Variants in GBF1 observed in about 807,000 individuals in gnomAD.
GBF1 encodes the protein Golgi-specific brefeldin A-resistance guanine nucleotide exchange factor 1.
A neutral mutation model predicts 210.5 loss-of-function variants in GBF1; 114 were observed. That is an observed-to-expected ratio of 0.54 (90% confidence interval 0.47 to 0.63). The LOEUF (loss-of-function observed/expected upper bound fraction) is 0.63, where lower values mean the gene tolerates loss of function less well. Among genes scored for constraint, GBF1 ranks in the 30% least tolerant of loss-of-function variants. GBF1 has a pLI of 0.00. For synonymous variants in GBF1, 850 were observed against 889.2 expected, an observed-to-expected ratio of 0.96 and a Z score of 0.78; for missense variants, 1,851 against 2,357.7, an observed-to-expected ratio of 0.79 and a Z score of 4.45.
the GBF1 span, among the ~76,000 whole-genome samples, chr10:102,236,116 G>A: frequency 6.6e-6 from 1 of 152,196 alleles, no homozygotes; most frequent in African/African-American, 2.4e-5. Flanking sequence ...GCCGACTCAC[G>A]TCCGGGTGGG....
Position 102,379,541 on chromosome 10 carries a change from G to T in GBF1, c.4666G>T (p.Asp1556Tyr). 6.2e-7 allele frequency: 1 copy of T among 1,614,128 alleles called. No homozygotes were observed. The highest frequency in any genetic ancestry group is 8.5e-7 in the Non-Finnish European group (1 of 1,180,014). ...CTCAGGTATTGCCTGCCTGTGCTGC[G>T]ATGCCCGGCGCCAGGTACGGATGCA... ...LLQGIACLCC[D>Y]ARRQVRMQAL... Residue 1556 changes from aspartate (D) to tyrosine (Y), a missense_variant, in exon 35 of 40, where the codon GAT becomes TAT. Around this residue, in one of 3 missense-constraint regions of GBF1, gnomAD observed 967 missense variants for 1,247.7 expected, o/e 0.78. Transcript: ENST00000369983.
chr10:102,382,604 G>A lies in GBF1; in HGVS notation c.*268G>A, dbSNP rs529451706. 3.4e-5 allele frequency: 14 copies of A among 416,092 alleles called. No homozygotes were observed. The highest frequency in any genetic ancestry group is 1.7e-4 in the Admixed American group (4 of 24,012). The allele number at this position is 416,092 out of a possible 1,614,324, so 25.8% of individuals were successfully genotyped here. A position where few individuals can be genotyped will look rare whatever the true frequency, so the allele number is the denominator to read the frequency against. ...CATCTGCAGCCTCTGCCTCCAGCCC[G>A]GCAGCTCTGGGGAGGCATCCGTGTG... On this transcript the variant is annotated 3_prime_UTR_variant, in exon 40 of 40. Coordinates refer to ENST00000369983, the MANE Select transcript of GBF1 (RefSeq NM_001377137.1).
intron 14 of GBF1, 23 bp from the exon 15 acceptor site, chr10:102,362,452 C>T (rs369033029): frequency 5.9e-6 from 9 of 1,527,232 alleles, no homozygotes; most frequent in South Asian, 1.1e-5. Flanking sequence ...ACTACAAGTC[C>T]AATTGATCTG....
chr10:102,341,562 G>A (rs956614690), intron 3 of GBF1, among the ~76,000 whole-genome samples: 2 of 152,086 alleles, frequency 1.3e-5, no homozygotes, highest in African/African-American at 4.8e-5. Flanking sequence ...ACCAGTGAAT[G>A]GATAAAGAAA....
At chr10:102,302,328 A>G (rs1200775908) in intron 3 of GBF1, among the ~76,000 whole-genome samples, 1 of 152,098 alleles carries the variant, frequency 6.6e-6, no homozygotes, top group East Asian at 1.9e-4. Context: ...TGGTTACACA[A>G]CTCTGAATAT....
At chr10:102,364,781 A>G (rs1218901625) in intron 17 of GBF1, among the ~76,000 whole-genome samples, 1 of 151,874 alleles carries the variant, frequency 6.6e-6, no homozygotes, top group Non-Finnish European at 1.5e-5. Context: ...CCTGGGAGGC[A>G]GAGGTTGCAG....
upstream of GBF1, among the ~76,000 whole-genome samples, chr10:102,242,097 T>A (rs2133820280): frequency 6.6e-6 from 1 of 152,366 alleles, no homozygotes; most frequent in South Asian, 2.1e-4. Flanking sequence ...CCTCTGCCAC[T>A]TTAAAAGACT....
chr10:102,298,717 G>C (rs1174917991), intron 3 of GBF1, among the ~76,000 whole-genome samples: 1 of 152,048 alleles, frequency 6.6e-6, no homozygotes, highest in Non-Finnish European at 1.5e-5. Context: ...AGAGGAAACA[G>C]AGGTTCCAAA....
At chr10:102,380,757 C>T in intron 38 of GBF1, 71 bp downstream of exon 38, 1 of 1,319,632 alleles carries the variant, frequency 7.6e-7, no homozygotes, top group Non-Finnish European at 1.0e-6. Context: ...CCTCTAATCC[C>T]AGCACTTTGA....
At chr10:102,345,371 G>A (rs1284352759) in intron 4 of GBF1, among the ~76,000 whole-genome samples, 1 of 150,546 alleles carries the variant, frequency 6.6e-6, no homozygotes, top group Non-Finnish European at 1.5e-5. Flanking sequence ...GTATTAACTT[G>A]ACCAGGCACA....
chr10:102,234,175 CT>C, the GBF1 span, among the ~76,000 whole-genome samples: 1 of 152,166 alleles, frequency 6.6e-6, no homozygotes, highest in Non-Finnish European at 1.5e-5. Flanking sequence ...TATTAGGAGC[CT>C]TTCTCAGGGA....
intron 5 of GBF1, 32 bp downstream of exon 5, chr10:102,351,406 T>C (rs769305010): frequency 8.8e-7 from 1 of 1,136,774 alleles, no homozygotes; most frequent in Non-Finnish European, 1.3e-6. Context: ...ATTAGGCTAA[T>C]GGCCAGGGGC....
intron 3 of GBF1, among the ~76,000 whole-genome samples, chr10:102,297,570 A>G (rs2077010729): frequency 6.6e-6 from 1 of 152,238 alleles, no homozygotes; most frequent in Admixed American, 6.5e-5. Flanking sequence ...AGATTTGAAT[A>G]GTCTTTCTAC....
chr10:102,367,985 G>A (rs919915863), intron 21 of GBF1, among the ~76,000 whole-genome samples: 1 of 152,216 alleles, frequency 6.6e-6, no homozygotes, highest in Admixed American at 6.5e-5. Context: ...TAGTAAGAAT[G>A]TGTGATCTTA....
chr10:102,319,706 TTTTTTC>T (rs1012952627), intron 3 of GBF1, among the ~76,000 whole-genome samples: 94 of 151,500 alleles, frequency 6.2e-4, no homozygotes, highest in Middle Eastern at 3.4e-3. Context: ...CATTTCTTTC[TTTTTTC>T]TTTTTCTTTT....
In GBF1 at chr10:102,366,339, C is replaced by T. The variant is rs761668333; in HGVS notation, c.2310-44C>T. Reference sequence around the variant, plus strand: ...AGTGACTAAAAGAGCCTGACATGTGCAGCTTACACATTTTCAGCCTCTTCT... The same window carrying T: ...AGTGACTAAAAGAGCCTGACATGTGTAGCTTACACATTTTCAGCCTCTTCT... On this transcript the variant is annotated intron_variant, in intron 18 of 39. Transcript: ENST00000369983. This position sits in a 1 kb window ranked among gnomAD's most constrained non-coding sequence, Gnocchi z 4.0. 37 of 1,608,058 alleles carry T rather than the reference C, an allele frequency of 2.3e-5. No individual in the cohort carries two copies. In the Admixed American group the frequency reaches 6.0e-4, roughly 26 times the overall value.
chr10:102,375,367 C>A lies in GBF1; in HGVS notation c.3669C>A (p.Leu1223=). The A allele has an allele frequency of 6.2e-7, 1 of 1,608,258 alleles. No individual in the cohort carries two copies. The highest frequency in any genetic ancestry group is 1.1e-5 in the South Asian group (1 of 90,934). Residue 1223 remains leucine (L), a synonymous_variant, in exon 30 of 40, where the codon CTC becomes CTA. Coordinates refer to ENST00000369983, the MANE Select transcript of GBF1 (RefSeq NM_001377137.1). ...RREEISAQVL[L]SLRILLLMKP... is the part of the protein sequence containing the mutation. ...CCCTAACCCCACTCCAGGTGCTGCT[C>A]TCCCTGCGCATTTTGCTACTGATGA...
the GBF1 span, among the ~76,000 whole-genome samples, chr10:102,237,295 T>C: frequency 6.6e-6 from 1 of 151,970 alleles, no homozygotes; most frequent in African/African-American, 2.4e-5. Context: ...TCAGAGAATA[T>C]AGGCACGTGA....
Position 102,380,649 on chromosome 10 carries a change from C to T in GBF1, c.5136C>T (p.His1712=). ...TWERIDCFLP[H]LRDELFKQTV... ...AACGCATTGACTGTTTTCTCCCTCA[C>T]CTACGAGATGAACTCTTCAAGCAGA... Residue 1712 remains histidine, a synonymous_variant, in exon 38 of 40, where the codon CAC becomes CAT. Coordinates refer to ENST00000369983, the MANE Select transcript of GBF1 (RefSeq NM_001377137.1). The T allele has an allele frequency of 2.5e-6, 4 of 1,613,726 alleles. No homozygotes were observed. Among genetic ancestry groups the T allele is most frequent in the Non-Finnish European group, 3.4e-6 (4 of 1,179,804 alleles).
Sources: allele counts gnomAD v4.1 joint callset (sites outside exome capture counted in the v4.1 genomes callset), GRCh38; gene constraint gnomAD v4.1.1; regional missense constraint gnomAD v4.1.1; non-coding constraint Gnocchi (gnomAD v3.1); transcripts MANE v1.5; gene names NCBI Gene and HGNC (gene_info 2026-07-23, HGNC 2026-07-21).